The following PARD3B variants were observed in gnomAD, a reference collection of about 807,000 sequenced individuals.
PARD3B encodes partitioning defective 3 homolog B.
Under a neutral mutation model 130.2 loss-of-function variants are expected in PARD3B, and 103 were observed. The ratio of observed to expected loss-of-function variants is 0.79; its 90% CI spans 0.67 to 0.93. PARD3B has a LOEUF of 0.93. Ranked by LOEUF, PARD3B falls within the 40% of genes least tolerant of loss-of-function variation. The pLI is 0.00. For missense variants in PARD3B, 1,609 were observed against 1,499.2 expected, an observed-to-expected ratio of 1.07 and a Z score of -1.21; for synonymous variants, 583 against 553.2, an observed-to-expected ratio of 1.05 and a Z score of -0.76.
At chr2:204,831,302 C>T (rs904934128) in intron 2 of PARD3B, among the ~76,000 whole-genome samples, 5 of 152,170 alleles carry the variant, frequency 3.3e-5, no homozygotes, top group Middle Eastern at 3.4e-3. Context: ...GGCCATTACA[C>T]GTAATTGGAA....
chr2:204,936,971 A>C (rs925044532), intron 2 of PARD3B, among the ~76,000 whole-genome samples: 1 of 152,256 alleles, frequency 6.6e-6, no homozygotes, highest in Non-Finnish European at 1.5e-5. Flanking sequence ...ATAATATAAT[A>C]CTGAAATGTG....
At chr2:204,659,993 A>G (rs1241046753) in intron 1 of PARD3B, among the ~76,000 whole-genome samples, 2 of 152,136 alleles carry the variant, frequency 1.3e-5, no homozygotes, top group Non-Finnish European at 2.9e-5. Context: ...TTTTCAGTCT[A>G]CATGGGGACC....
At chr2:204,877,862 C>A (rs2045902152) in intron 2 of PARD3B, among the ~76,000 whole-genome samples, 1 of 152,136 alleles carries the variant, frequency 6.6e-6, no homozygotes, top group Non-Finnish European at 1.5e-5. Flanking sequence ...TTGTTCATTT[C>A]AGAGAGAATA....
In PARD3B at chr2:205,128,916, C is replaced by T. The variant is rs2031723735; in HGVS notation, c.1434+3179C>T. ...AGGGAGGCAGCTGTATGTGTTATTTCACTCTCATTTAATGGAATTTAGTGA... is the reference window on the plus strand; with the variant it reads ...AGGGAGGCAGCTGTATGTGTTATTTTACTCTCATTTAATGGAATTTAGTGA... On this transcript the variant is annotated intron_variant, in intron 10 of 22. Coordinates refer to ENST00000406610, the MANE Select transcript of PARD3B (RefSeq NM_001302769.2). The surrounding 1 kb of genome is among the most constrained non-coding windows in gnomAD (Gnocchi z 4.5). Among the ~76,000 whole-genome samples the T allele has an allele frequency of 6.6e-6, 1 of 152,082 alleles. No individual in the cohort carries two copies. Among genetic ancestry groups the T allele is most frequent in the Non-Finnish European group, 1.5e-5 (1 of 68,022 alleles).
chr2:205,124,861 GTC>G (rs2031195233), intron 9 of PARD3B, among the ~76,000 whole-genome samples: 5 of 152,260 alleles, frequency 3.3e-5, no homozygotes, highest in Admixed American at 1.3e-4. Context: ...AGTATCTCAG[GTC>G]ATTCTATGCT....
rs184729862 is a variant in PARD3B, at chr2:205,341,870, T to G, written c.2630+40169T>G. ...ATATGTACAATTATTACACATCAACTAAAAATAAAAGGAAAAATAGGTAAA... is the reference window on the plus strand; with the variant it reads ...ATATGTACAATTATTACACATCAACGAAAAATAAAAGGAAAAATAGGTAAA... On this transcript the variant is annotated intron_variant, in intron 18 of 22. Coordinates refer to ENST00000406610, the MANE Select transcript of PARD3B (RefSeq NM_001302769.2). The surrounding 1 kb of genome is among the most constrained non-coding windows in gnomAD (Gnocchi z 4.3). 6.6e-6 allele frequency among the ~76,000 whole-genome samples: 1 copy of G among 151,948 alleles called. No individual in the cohort carries two copies. The highest frequency in any genetic ancestry group is 1.9e-4 in the East Asian group (1 of 5,178).
chr2:205,119,187 G>A, intron 7 of PARD3B, 141 bp downstream of exon 7: 1 of 1,179,994 alleles, frequency 8.5e-7, no homozygotes, highest in Non-Finnish European at 1.1e-6. Context: ...ATTTTCGAAT[G>A]CTTCTAATGT....
chr2:205,189,860 G>T (rs564417043), intron 14 of PARD3B, among the ~76,000 whole-genome samples: 1 of 142,498 alleles, frequency 7.0e-6, no homozygotes, highest in African/African-American at 2.7e-5. Flanking sequence ...ATTTTGTACC[G>T]CAGCAAAGGG....
Position 205,042,609 on chromosome 2 carries a change from A to T in PARD3B, c.395-4972A>T, listed in dbSNP as rs186023104. Among the ~76,000 whole-genome samples, 289 of 152,130 alleles carry T rather than the reference A, an allele frequency of 1.9e-3. 2 individuals are homozygous for T. Among genetic ancestry groups the T allele is most frequent in the African/African-American group, 6.7e-3 (278 of 41,524 alleles). ...TGGCTTCCATTCAGTTTCAAGTATC[A>T]ACTAAATAAAATGGGGACTTGATCT... On this transcript the variant is annotated intron_variant, in intron 3 of 22. Transcript: ENST00000406610.
At chr2:205,211,689 C>T (rs2037643824) in intron 15 of PARD3B, among the ~76,000 whole-genome samples, 7 of 151,982 alleles carry the variant, frequency 4.6e-5, no homozygotes. Flanking sequence ...CAACACTATC[C>T]AATGAAGGTA....
At chr2:204,553,986 C>T (rs558732046) in intron 1 of PARD3B, among the ~76,000 whole-genome samples, 1 of 151,984 alleles carries the variant, frequency 6.6e-6, no homozygotes, top group East Asian at 1.9e-4. Context: ...CAAATCACCA[C>T]TAAAGAACTT....
chr2:205,061,369 A>G (rs984032173), intron 4 of PARD3B, among the ~76,000 whole-genome samples: 1 of 152,202 alleles, frequency 6.6e-6, no homozygotes, highest in Middle Eastern at 3.4e-3. Flanking sequence ...AGCTAGCTTG[A>G]CCACTGACTG....
chr2:205,194,940 C>T (rs568487506), intron 15 of PARD3B, among the ~76,000 whole-genome samples: 3 of 144,306 alleles, frequency 2.1e-5, no homozygotes, highest in East Asian at 2.2e-4. Flanking sequence ...TCTGCCACCA[C>T]GCCAGGCTAA....
At chr2:204,707,635 C>T (rs1488439809) in intron 2 of PARD3B, among the ~76,000 whole-genome samples, 1 of 151,878 alleles carries the variant, frequency 6.6e-6, no homozygotes, top group Non-Finnish European at 1.5e-5. Flanking sequence ...TACACACAAA[C>T]CTTTGTACTG....
At chr2:204,994,767 T>C (rs1403926444) in intron 3 of PARD3B, among the ~76,000 whole-genome samples, 16 of 145,384 alleles carry the variant, frequency 1.1e-4, no homozygotes, top group African/African-American at 4.0e-4. Context: ...GGTGCTCCTG[T>C]ATTGGGTGCA....
At chr2:204,555,278 G>T (rs1386359144) in intron 1 of PARD3B, among the ~76,000 whole-genome samples, 2 of 152,148 alleles carry the variant, frequency 1.3e-5, no homozygotes, top group Non-Finnish European at 2.9e-5. Context: ...TCCATGAAGG[G>T]CCTGGTACGG....
At chr2:205,485,318 T>C (rs531189689) in intron 20 of PARD3B, among the ~76,000 whole-genome samples, 1 of 152,322 alleles carries the variant, frequency 6.6e-6, no homozygotes, top group South Asian at 2.1e-4. Context: ...GAGCTCTGGT[T>C]ATGGAAAATG....
chr2:205,479,311 A>G (rs921714592), intron 20 of PARD3B, among the ~76,000 whole-genome samples: 5 of 152,116 alleles, frequency 3.3e-5, no homozygotes, highest in Admixed American at 6.6e-5. Flanking sequence ...ACCTCCCACA[A>G]AAACTCATTT....
At chr2:205,099,826 G>A (rs1702630511) in intron 4 of PARD3B, among the ~76,000 whole-genome samples, 1 of 152,162 alleles carries the variant, frequency 6.6e-6, no homozygotes, top group Admixed American at 6.6e-5. Flanking sequence ...TAGTTGAGAT[G>A]ATAAACTATA....
Sources: gnomAD v4.1 joint callset for allele counts (sites outside exome capture counted in the v4.1 genomes callset) on GRCh38, gnomAD v4.1.1 for gene constraint, Gnocchi (gnomAD v3.1) non-coding constraint, MANE v1.5 for transcripts, NCBI Gene and HGNC (gene_info 2026-07-23, HGNC 2026-07-21) for gene names.